Variants in ZNF804B observed in about 807,000 individuals in gnomAD.
ZNF804B encodes zinc finger 804B.
ZNF804B carries 80 observed loss-of-function variants against 101.4 expected under a neutral mutation model. The ratio of observed to expected loss-of-function variants is 0.79; its 90% confidence interval spans 0.66 to 0.95. The LOEUF (loss-of-function observed/expected upper bound fraction) is 0.95, where lower values mean the gene tolerates loss of function less well. Among genes scored for constraint, ZNF804B ranks in the 40% least tolerant of loss-of-function variants. The pLI is 0.00. For missense variants in ZNF804B, 1,673 were observed against 1,561.9 expected (o/e 1.07, Z -1.20); for synonymous variants, 622 against 558.8 (o/e 1.11, Z -1.59).
chr7:89,003,785 T>C (rs1283205471), intron 1 of ZNF804B, among the ~76,000 whole-genome samples: 1 of 151,938 alleles, frequency 6.6e-6, no homozygotes, highest in Non-Finnish European at 1.5e-5. Flanking sequence ...ATTTTTCGAC[T>C]TATAAATAGT....
intron 1 of ZNF804B, among the ~76,000 whole-genome samples, chr7:88,972,921 T>C (rs747187016): frequency 2.0e-5 from 3 of 151,430 alleles, no homozygotes; most frequent in African/African-American, 4.8e-5. Flanking sequence ...ACTTCTTTGT[T>C]AACAAGGCCT....
At chr7:88,938,870 C>T (rs576178866) in intron 1 of ZNF804B, among the ~76,000 whole-genome samples, 45 of 152,024 alleles carry the variant, frequency 3.0e-4, no homozygotes, top group African/African-American at 1.1e-3. Context: ...AGAAAAACCA[C>T]CGGAATTATT....
chr7:88,876,130 A>C (rs528815230), intron 1 of ZNF804B, among the ~76,000 whole-genome samples: 2 of 152,262 alleles, frequency 1.3e-5, no homozygotes, highest in East Asian at 3.9e-4. Context: ...TAATGAAATC[A>C]TGTCCCCTCT....
At chr7:89,161,468 C>T (rs1025719667) in intron 1 of ZNF804B, among the ~76,000 whole-genome samples, 1 of 151,980 alleles carries the variant, frequency 6.6e-6, no homozygotes, top group African/African-American at 2.4e-5. Context: ...GATTTTACTA[C>T]TATTTAACTT....
intron 1 of ZNF804B, among the ~76,000 whole-genome samples, chr7:88,818,221 T>A (rs1790916255): frequency 1.3e-5 from 2 of 152,212 alleles, no homozygotes; most frequent in African/African-American, 4.8e-5. Context: ...CTTCATGAGC[T>A]ATTAAACTTA....
In ZNF804B at chr7:89,171,972, T is replaced by C. The variant is rs550218169; in HGVS notation, c.109-46183T>C. On this transcript the variant is annotated intron_variant, in intron 1 of 3. Coordinates refer to ENST00000333190, the MANE Select transcript of ZNF804B (RefSeq NM_181646.5). ...ATCACAAAAGGATCTATTTGAAATA[T>C]AGTCCCTGACACTTACAGAAATTGA... Among the ~76,000 whole-genome samples the C allele has an allele frequency of 2.6e-5, 4 of 151,714 alleles. No homozygotes were observed. The East Asian group carries it at 8.1e-4, about 31-fold the overall frequency.
At chr7:88,999,381 A>T (rs1431480692) in intron 1 of ZNF804B, among the ~76,000 whole-genome samples, 1 of 152,050 alleles carries the variant, frequency 6.6e-6, no homozygotes, top group African/African-American at 2.4e-5. Context: ...CAAGAATTAC[A>T]TAATTCTTAC....
At chr7:89,217,612 G>A (rs980734664) in intron 1 of ZNF804B, among the ~76,000 whole-genome samples, 3 of 152,160 alleles carry the variant, frequency 2.0e-5, no homozygotes, top group African/African-American at 7.2e-5. Context: ...AAATTTTCAG[G>A]AGAATATTTT....
chr7:89,165,371 T>C (rs143754071), intron 1 of ZNF804B, among the ~76,000 whole-genome samples: 1 of 152,188 alleles, frequency 6.6e-6, no homozygotes, highest in Non-Finnish European at 1.5e-5. Context: ...AGGTGATATA[T>C]GCAAGCAGGT....
intron 1 of ZNF804B, among the ~76,000 whole-genome samples, chr7:89,105,064 G>A (rs191960860): frequency 6.6e-6 from 1 of 152,166 alleles, no homozygotes; most frequent in African/African-American, 2.4e-5. Flanking sequence ...TATACCTTCT[G>A]ATTTCAATGG....
At chr7:88,806,198 A>G (rs1032606517) in intron 1 of ZNF804B, among the ~76,000 whole-genome samples, 1 of 152,216 alleles carries the variant, frequency 6.6e-6, no homozygotes. Flanking sequence ...GAATAAAAGC[A>G]TAACTATAAA....
At chr7:88,919,511 C>G (rs956548811) in intron 1 of ZNF804B, among the ~76,000 whole-genome samples, 1 of 151,960 alleles carries the variant, frequency 6.6e-6, no homozygotes, top group African/African-American at 2.4e-5. Context: ...AGGAAGCACT[C>G]TCTATTAAAA....
At chr7:89,294,116 A>T (rs1190893728) in intron 2 of ZNF804B, among the ~76,000 whole-genome samples, 3 of 152,130 alleles carry the variant, frequency 2.0e-5, no homozygotes. Context: ...GGTTTTCCTG[A>T]CACTGCAACT....
chr7:89,133,911 G>A (rs1790590977), intron 1 of ZNF804B, among the ~76,000 whole-genome samples: 1 of 152,000 alleles, frequency 6.6e-6, no homozygotes, highest in Admixed American at 6.6e-5. Flanking sequence ...TTACTATTTT[G>A]AGTACCTCTG....
chr7:88,894,529 T>G (rs922703897), intron 1 of ZNF804B, among the ~76,000 whole-genome samples: 4 of 152,126 alleles, frequency 2.6e-5, no homozygotes, highest in African/African-American at 9.7e-5. Context: ...ACGCTATTAA[T>G]AGCATATTTT....
intron 2 of ZNF804B, among the ~76,000 whole-genome samples, chr7:89,298,034 CAT>C (rs1410003663): frequency 1.4e-5 from 2 of 144,522 alleles, no homozygotes; most frequent in Non-Finnish European, 3.0e-5. Flanking sequence ...AACCTATGCC[CAT>C]ATGTCTGCAG....
chr7:88,820,705 C>T (rs1381444216), intron 1 of ZNF804B, among the ~76,000 whole-genome samples: 1 of 152,096 alleles, frequency 6.6e-6, no homozygotes, highest in Non-Finnish European at 1.5e-5. Flanking sequence ...GTTGCCTTTT[C>T]TTATTGCTGT....
At chr7:88,964,310 A>T (rs1483330866) in intron 1 of ZNF804B, among the ~76,000 whole-genome samples, 1 of 151,556 alleles carries the variant, frequency 6.6e-6, no homozygotes, top group Non-Finnish European at 1.5e-5. Flanking sequence ...GTGAATAAAC[A>T]AAATGTGGTA....
At chr7:88,931,682 C>T (rs1242801901) in intron 1 of ZNF804B, among the ~76,000 whole-genome samples, 1 of 151,764 alleles carries the variant, frequency 6.6e-6, no homozygotes, top group Non-Finnish European at 1.5e-5. Context: ...TGATTGTATG[C>T]TCCATAAAAT....
Sources: gnomAD v4.1 joint callset for allele counts (sites outside exome capture counted in the v4.1 genomes callset) on GRCh38, gnomAD v4.1.1 for gene constraint, MANE v1.5 for transcripts, NCBI Gene and HGNC (gene_info 2026-07-23, HGNC 2026-07-21) for gene names.